Variants in MEI4 observed in about 807,000 individuals in gnomAD.
MEI4 encodes the protein meiotic double-stranded break formation protein 4.
MEI4 carries 27 observed loss-of-function variants against 31.4 expected under a neutral mutation model. That is an observed-to-expected ratio of 0.86 (90% confidence interval 0.63 to 1.19). MEI4 has a LOEUF of 1.19. MEI4 is among the 50% of genes most tolerant of loss of function. MEI4 has a pLI of 0.00. For synonymous variants in MEI4, 122 were observed against 145.4 expected (o/e 0.84, Z 1.16); for missense variants, 329 against 398.9 (o/e 0.82, Z 1.49).
intron 4 of MEI4, among the ~76,000 whole-genome samples, chr6:77,912,787 AT>A (rs1418328567): frequency 6.6e-6 from 1 of 152,036 alleles, no homozygotes; most frequent in Non-Finnish European, 1.5e-5. Context: ...ATTTGGATGC[AT>A]TTTATTTATT....
chr6:77,728,899 C>A (rs1766897644), intron 2 of MEI4, among the ~76,000 whole-genome samples: 1 of 152,154 alleles, frequency 6.6e-6, no homozygotes, highest in African/African-American at 2.4e-5. Context: ...ACTTCTTGCT[C>A]TGGCTGCTGT....
At chr6:77,728,378 A>G (rs1445406213) in intron 2 of MEI4, among the ~76,000 whole-genome samples, 1 of 151,368 alleles carries the variant, frequency 6.6e-6, no homozygotes, top group Non-Finnish European at 1.5e-5. Flanking sequence ...GATACTACAC[A>G]TCATGCATAT....
At chr6:77,856,401 C>T (rs192563044) in intron 4 of MEI4, among the ~76,000 whole-genome samples, 53 of 152,236 alleles carry the variant, frequency 3.5e-4, no homozygotes, top group Middle Eastern at 3.4e-3. Flanking sequence ...CCCAGTCCTA[C>T]GTTCTCATAA....
intron 2 of MEI4, among the ~76,000 whole-genome samples, chr6:77,699,957 G>T (rs1766175937): frequency 6.6e-6 from 1 of 152,174 alleles, no homozygotes; most frequent in African/African-American, 2.4e-5. Context: ...TCCTCTGGAA[G>T]TTTTGTCTCA....
intron 3 of MEI4, among the ~76,000 whole-genome samples, chr6:77,802,446 A>C (rs1383683417): frequency 6.6e-6 from 1 of 152,166 alleles, no homozygotes; most frequent in Non-Finnish European, 1.5e-5. Flanking sequence ...TGTGTCTTTT[A>C]ATTGGAGCAT....
intron 2 of MEI4, among the ~76,000 whole-genome samples, chr6:77,752,034 G>C (rs1767788653): frequency 6.6e-6 from 1 of 152,038 alleles, no homozygotes; most frequent in Non-Finnish European, 1.5e-5. Flanking sequence ...GATTATCTCA[G>C]TAGACCCAGA....
intron 3 of MEI4, among the ~76,000 whole-genome samples, chr6:77,768,447 C>T (rs978712338): frequency 6.6e-6 from 1 of 151,986 alleles, no homozygotes; most frequent in African/African-American, 2.4e-5. Context: ...CGCCTGTAAC[C>T]CCAGCACTTT....
At chr6:77,867,277 G>A in intron 4 of MEI4, among the ~76,000 whole-genome samples, 1 of 152,158 alleles carries the variant, frequency 6.6e-6, no homozygotes, top group Non-Finnish European at 1.5e-5. Flanking sequence ...TACCATCAGA[G>A]TGAACAGGCA....
At chr6:77,800,816 C>T (rs1769233795) in intron 3 of MEI4, among the ~76,000 whole-genome samples, 1 of 152,092 alleles carries the variant, frequency 6.6e-6, no homozygotes, top group South Asian at 2.1e-4. Context: ...ATATGTTGAA[C>T]CAGCCTTGTA....
intron 3 of MEI4, among the ~76,000 whole-genome samples, chr6:77,828,301 C>T (rs538625759): frequency 1.3e-5 from 2 of 151,112 alleles, no homozygotes; most frequent in African/African-American, 4.9e-5. Flanking sequence ...CCAGGCCACA[C>T]AGCAGGAAGT....
At chr6:77,681,712 A>C (rs1272424970) in intron 1 of MEI4, among the ~76,000 whole-genome samples, 1 of 152,222 alleles carries the variant, frequency 6.6e-6, no homozygotes, top group Non-Finnish European at 1.5e-5. Flanking sequence ...AAGAGACCGT[A>C]GACAATTAAA....
chr6:77,833,283 T>C (rs567123221), intron 4 of MEI4, among the ~76,000 whole-genome samples: 3 of 152,180 alleles, frequency 2.0e-5, no homozygotes, highest in Non-Finnish European at 4.4e-5. Flanking sequence ...TGGTGACCTA[T>C]TTGATTTTCT....
chr6:77,715,109 A>G (rs1766549850), intron 2 of MEI4, among the ~76,000 whole-genome samples: 1 of 152,294 alleles, frequency 6.6e-6, no homozygotes, highest in Admixed American at 6.5e-5. Flanking sequence ...GTTGTGTGAA[A>G]TCATTTATTC....
chr6:77,676,044 G>A (rs766779917), intron 1 of MEI4, among the ~76,000 whole-genome samples: 11 of 152,220 alleles, frequency 7.2e-5, no homozygotes, highest in Admixed American at 2.6e-4. Context: ...TGTCAACCAC[G>A]AAGTTTGGAA....
chr6:77,702,789 C>G (rs546794707), intron 2 of MEI4, among the ~76,000 whole-genome samples: 1 of 152,328 alleles, frequency 6.6e-6, no homozygotes, highest in African/African-American at 2.4e-5. Flanking sequence ...CCTTCACATT[C>G]TGCACTGAGA....
chr6:77,852,033 T>C (rs1289070893), intron 4 of MEI4, among the ~76,000 whole-genome samples: 1 of 152,206 alleles, frequency 6.6e-6, no homozygotes, highest in Non-Finnish European at 1.5e-5. Flanking sequence ...CTTGTAATTT[T>C]AATCAAATTA....
chr6:77,784,621 G>A (rs774129937), intron 3 of MEI4, among the ~76,000 whole-genome samples: 1 of 152,056 alleles, frequency 6.6e-6, no homozygotes, highest in East Asian at 1.9e-4. Flanking sequence ...ATTAAAGCTG[G>A]CAGAACAACA....
intron 3 of MEI4, among the ~76,000 whole-genome samples, chr6:77,776,152 AATTGTTTTTTT>A (rs1768434835): frequency 1.4e-5 from 2 of 142,940 alleles, no homozygotes; most frequent in Admixed American, 1.4e-4. Context: ...TTACTCTGCT[AATTGTTTTTTT>A]TTTGTTTTTG....
chr6:77,791,768 T>C (rs1768943409), intron 3 of MEI4, among the ~76,000 whole-genome samples: 1 of 152,140 alleles, frequency 6.6e-6, no homozygotes, highest in Non-Finnish European at 1.5e-5. Flanking sequence ...TACCATACCT[T>C]TTTTGGTGAG....
Sources: gnomAD v4.1 joint callset for allele counts (sites outside exome capture counted in the v4.1 genomes callset) on GRCh38, gnomAD v4.1.1 for gene constraint, MANE v1.5 for transcripts, NCBI Gene and HGNC (gene_info 2026-07-23, HGNC 2026-07-21) for gene names.